NAALADL2: variants seen among roughly 807,000 people sequenced by gnomAD.
NAALADL2 encodes N-acetylated alpha-linked acidic dipeptidase like 2, also known as inactive N-acetylated-alpha-linked acidic dipeptidase-like protein 2.
In NAALADL2, 76 loss-of-function variants were observed where a neutral mutation model predicts 87.2. The observed-to-expected ratio is 0.87, with a 90% confidence interval of 0.72 to 1.05. The LOEUF (loss-of-function observed/expected upper bound fraction) is 1.05, where lower values mean the gene tolerates loss of function less well. Among genes scored for constraint, NAALADL2 ranks in the 50% least tolerant of loss-of-function variants. The pLI is 0.00. For synonymous variants in NAALADL2, 354 were observed against 331.0 expected (o/e 1.07, Z -0.75); for missense variants, 1,089 against 945.8 (o/e 1.15, Z -1.99).
chr3:174,631,496 C>T (rs761155228), intron 2 of NAALADL2, among the ~76,000 whole-genome samples: 19 of 152,134 alleles, frequency 1.2e-4, no homozygotes, highest in Non-Finnish European at 2.5e-4. Context: ...GAAATGTTAA[C>T]TAATCTTTGC....
rs1055287808 is a variant in NAALADL2 at position 174,539,034 on chromosome 3, A to T, written c.-183-11535A>T. ...CTAAATTTATTGAGATCTGTCTTAG[A>T]TACCTTTTTGTTTGCAGTCTTCATC... On this transcript the variant is annotated intron_variant, in intron 1 of 3. Coordinates refer to the NAALADL2 transcript ENST00000434257. 2.0e-5 allele frequency among the ~76,000 whole-genome samples: 3 copies of T among 152,318 alleles called. No individual in the cohort carries two copies. The East Asian group carries it at 5.8e-4, about 29-fold the overall frequency.
intron 3 of NAALADL2, among the ~76,000 whole-genome samples, chr3:174,810,137 T>G (rs1425319090): frequency 6.6e-6 from 1 of 152,190 alleles, no homozygotes; most frequent in African/African-American, 2.4e-5. Context: ...CATGTATTCC[T>G]TTATAACAGT....
chr3:175,293,570 A>G (rs1755934291), intron 4 of NAALADL2, among the ~76,000 whole-genome samples: 2 of 152,192 alleles, frequency 1.3e-5, no homozygotes. Context: ...CTAACTCTCA[A>G]GATGATAGTC....
At chr3:175,530,128 C>T (rs548625500) in intron 9 of NAALADL2, among the ~76,000 whole-genome samples, 8 of 152,214 alleles carry the variant, frequency 5.3e-5, no homozygotes, top group African/African-American at 1.7e-4. Flanking sequence ...ATGGGCCCAT[C>T]GGGCGATGAC....
intron 11 of NAALADL2, among the ~76,000 whole-genome samples, chr3:175,628,894 G>A (rs557599038): frequency 6.7e-6 from 1 of 150,016 alleles, no homozygotes; most frequent in African/African-American, 2.4e-5. Flanking sequence ...AAAAGAGTTT[G>A]AATTACATTT....
intron 1 of NAALADL2, among the ~76,000 whole-genome samples, chr3:175,088,117 T>C (rs1560009702): frequency 6.6e-6 from 1 of 152,178 alleles, no homozygotes; most frequent in South Asian, 2.1e-4. Flanking sequence ...GAACACACCA[T>C]GCAGTTAATC....
At chr3:174,605,920 C>A (rs1198067041) in intron 2 of NAALADL2, among the ~76,000 whole-genome samples, 4 of 152,174 alleles carry the variant, frequency 2.6e-5, no homozygotes, top group Non-Finnish European at 4.4e-5. Context: ...AGGCACCCCC[C>A]AGTAGGGGCA....
intron 5 of NAALADL2, among the ~76,000 whole-genome samples, chr3:175,358,557 T>A (rs1168243018): frequency 6.6e-6 from 1 of 151,928 alleles, no homozygotes; most frequent in Non-Finnish European, 1.5e-5. Context: ...CTTGAGCTAT[T>A]GTCTTTTAAC....
chr3:174,469,415 G>A (rs549273042), intron 1 of NAALADL2, among the ~76,000 whole-genome samples: 2 of 151,174 alleles, frequency 1.3e-5, no homozygotes, highest in African/African-American at 4.9e-5. Flanking sequence ...GTGCCACCAC[G>A]GCTGGCTAAT....
At chr3:175,472,176 C>T (rs1384480472) in intron 9 of NAALADL2, among the ~76,000 whole-genome samples, 1 of 146,208 alleles carries the variant, frequency 6.8e-6, no homozygotes, top group Non-Finnish European at 1.5e-5. Flanking sequence ...GTGTAGGCCC[C>T]CCGAGAGCAA....
intron 1 of NAALADL2, among the ~76,000 whole-genome samples, chr3:175,012,933 T>C (rs1189100190): frequency 1.4e-5 from 2 of 147,662 alleles, no homozygotes; most frequent in African/African-American, 5.0e-5. Context: ...ATACATTTTA[T>C]ATTACTTTTG....
At chr3:175,188,296 C>T (rs1737637882) in intron 2 of NAALADL2, among the ~76,000 whole-genome samples, 1 of 152,088 alleles carries the variant, frequency 6.6e-6, no homozygotes, top group Non-Finnish European at 1.5e-5. Flanking sequence ...TGATGTAGCA[C>T]CTGCTCCTCC....
intron 1 of NAALADL2, among the ~76,000 whole-genome samples, chr3:174,491,943 A>T (rs1020163800): frequency 6.6e-6 from 1 of 152,150 alleles, no homozygotes; most frequent in East Asian, 1.9e-4. Flanking sequence ...TGATGTATTT[A>T]AAAAATAGAT....
At chr3:174,998,656 C>A (rs926618982) in intron 1 of NAALADL2, among the ~76,000 whole-genome samples, 1 of 152,148 alleles carries the variant, frequency 6.6e-6, no homozygotes. Flanking sequence ...AAGTAATCTG[C>A]ATGTTGAGTC....
intron 1 of NAALADL2, among the ~76,000 whole-genome samples, chr3:174,951,661 G>T (rs913310067): frequency 2.0e-5 from 3 of 152,008 alleles, no homozygotes; most frequent in African/African-American, 4.8e-5. Context: ...TTTACTTGTC[G>T]ATAGACGCCT....
intron 2 of NAALADL2, among the ~76,000 whole-genome samples, chr3:175,210,596 G>A (rs1446034465): frequency 1.3e-5 from 2 of 151,372 alleles, no homozygotes; most frequent in African/African-American, 4.8e-5. Context: ...TATGGCAAAG[G>A]GTGATGTGGT....
At chr3:174,611,026 G>C (rs1719796917) in intron 2 of NAALADL2, among the ~76,000 whole-genome samples, 1 of 152,084 alleles carries the variant, frequency 6.6e-6, no homozygotes, top group Admixed American at 6.5e-5. Flanking sequence ...GGACATGGAT[G>C]AAATTGGAAA....
At chr3:175,257,753 C>T (rs1750254504) in intron 4 of NAALADL2, among the ~76,000 whole-genome samples, 1 of 151,886 alleles carries the variant, frequency 6.6e-6, no homozygotes, top group Non-Finnish European at 1.5e-5. Flanking sequence ...TATTTAATGA[C>T]ATGTAAAAAT....
chr3:174,835,920 T>G (rs1463959396), intron 3 of NAALADL2, among the ~76,000 whole-genome samples: 1 of 152,214 alleles, frequency 6.6e-6, no homozygotes, highest in African/African-American at 2.4e-5. Context: ...TAAATGATGC[T>G]ATCATTACAG....
Sources: allele counts gnomAD v4.1 joint callset (sites outside exome capture counted in the v4.1 genomes callset), GRCh38; gene constraint gnomAD v4.1.1; transcripts MANE v1.5; gene names NCBI Gene and HGNC (gene_info 2026-07-23, HGNC 2026-07-21).